Variants in MFNG observed in about 807,000 individuals in gnomAD.
MFNG encodes beta-1,3-N-acetylglucosaminyltransferase manic fringe.
Under a neutral mutation model 34.2 loss-of-function variants are expected in MFNG, and 24 were observed. The observed-to-expected ratio is 0.70, with a 90% CI of 0.51 to 0.99. The LOEUF (loss-of-function observed/expected upper bound fraction) is 0.99, where lower values mean the gene tolerates loss of function less well. MFNG is among the 50% of genes least tolerant of loss of function. The pLI is 0.00. For synonymous variants in MFNG, 158 were observed against 179.2 expected (o/e 0.88, Z 0.94); for missense variants, 383 against 424.0 (o/e 0.90, Z 0.85).
chr22:37,477,839 T>A (rs894705275), intron 4 of MFNG, among the ~76,000 whole-genome samples: 1 of 152,214 alleles, frequency 6.6e-6, no homozygotes, highest in Non-Finnish European at 1.5e-5. Context: ...CTTTCTTCTG[T>A]GTTCACGACC....
At chr22:37,472,991 T>C (rs922560742) in intron 6 of MFNG, among the ~76,000 whole-genome samples, 6 of 152,146 alleles carry the variant, frequency 3.9e-5, no homozygotes, top group Non-Finnish European at 7.4e-5. Context: ...ACTGTGGGCA[T>C]AGGGACCACC....
chr22:37,472,657 G>T, intron 6 of MFNG, 129 bp from the exon 7 acceptor site: 1 of 861,786 alleles, frequency 1.2e-6, no homozygotes, highest in Non-Finnish European at 1.8e-6. Flanking sequence ...GAAATTCCCC[G>T]CTGGTGGTGG....
intron 4 of MFNG, 105 bp from the exon 5 acceptor site, chr22:37,477,086 C>T: frequency 1.1e-6 from 1 of 922,178 alleles, no homozygotes; most frequent in Non-Finnish European, 1.7e-6. Context: ...CTCAAAAGCC[C>T]TTTATTTTGA....
In MFNG at chr22:37,485,147, A is replaced by G. The variant is rs551024098; in HGVS notation, c.255+776T>C. 7.9e-4 allele frequency among the ~76,000 whole-genome samples: 120 copies of G among 152,160 alleles called. No homozygotes were observed. The highest frequency in any genetic ancestry group is 2.7e-3 in the African/African-American group (112 of 41,496). ...CCATGTGACAGACATGCCTCTTGTC[A>G]CACACATCTAGCACACTCCAGCTCC... On this transcript the variant is annotated intron_variant, in intron 1 of 7. Transcript: ENST00000356998. This position sits in a 1 kb window ranked among gnomAD's most constrained non-coding sequence, Gnocchi z 5.3.
intron 7 of MFNG, among the ~76,000 whole-genome samples, chr22:37,470,395 A>G (rs1921754568): frequency 6.6e-6 from 1 of 152,200 alleles, no homozygotes; most frequent in Non-Finnish European, 1.5e-5. Flanking sequence ...GAGGCCAATC[A>G]TCTGATCACA....
At chr22:37,473,255 T>C (rs963954738) in intron 6 of MFNG, among the ~76,000 whole-genome samples, 2 of 151,996 alleles carry the variant, frequency 1.3e-5, no homozygotes, top group African/African-American at 2.4e-5. Context: ...CTGGCCAACA[T>C]GGTGAAACCC....
rs1477451775 is a variant in MFNG at position 37,486,002 on chromosome 22, G to A, written c.176C>T (p.Ala59Val). Reference protein sequence around the residue: ...PKLQLHDVFIAVKTTRAFHRL... With the variant: ...PKLQLHDVFIVVKTTRAFHRL... Reference sequence around the variant, plus strand: ...GTGGAAAGCCCGGGTCGTCTTCACTGCAATGAAGACATCGTGTAGCTGTAG... The same window carrying A: ...GTGGAAAGCCCGGGTCGTCTTCACTACAATGAAGACATCGTGTAGCTGTAG... Residue 59 changes from alanine (A) to valine (V), a missense_variant, in exon 1 of 8, where the codon GCA becomes GTA. By Grantham distance (64) the Ala-to-Val change is moderately conservative. Transcript: ENST00000356998. The A allele has an allele frequency of 6.2e-7, 1 of 1,614,004 alleles. No individual in the cohort carries two copies. Among genetic ancestry groups the A allele is most frequent in the Non-Finnish European group, 8.5e-7 (1 of 1,180,002 alleles).
chr22:37,486,160 C>T lies in MFNG; in HGVS notation c.18G>A (p.Pro6=), dbSNP rs760996647. ...TGAGGAGGGCTCCAGCCAGGCCCCG[C>T]GGGAGCCGGCACTGCATTGGTTGGC... The part of the protein sequence containing the change: MQCRL[P]RGLAGALLTL... The change falls in exon 1 of 8, where the codon CCG becomes CCA. Residue 6 remains proline (P), a synonymous_variant. Coordinates refer to ENST00000356998, the MANE Select transcript of MFNG (RefSeq NM_002405.4). The T allele has an allele frequency of 8.2e-6, 13 of 1,579,422 alleles. No individual in the cohort carries two copies. The highest frequency in any genetic ancestry group is 1.0e-5 in the Non-Finnish European group (12 of 1,159,176).
At chr22:37,476,757 G>A in intron 5 of MFNG, 139 bp downstream of exon 5, 1 of 728,470 alleles carries the variant, frequency 1.4e-6, no homozygotes, top group Non-Finnish European at 2.3e-6. Flanking sequence ...ACCACCAACT[G>A]CCGCTCTGTG....
Position 37,486,193 on chromosome 22 carries a change from C to T in MFNG, c.-16G>A. The stretch of plus-strand genomic sequence containing the variant: ...GGCACTGCATTGGTTGGCCCTGGGA[C>T]CCCAGACAGCTCAGCCCCCAAATCC... On this transcript the variant is annotated 5_prime_UTR_variant, in exon 1 of 8. Coordinates refer to ENST00000356998, the MANE Select transcript of MFNG (RefSeq NM_002405.4). 1 of 1,528,008 alleles carries T rather than the reference C, an allele frequency of 6.5e-7. No individual in the cohort carries two copies. 94.7% of individuals were successfully genotyped at this position (1,528,008 alleles called of 1,614,324 possible). A position where few individuals can be genotyped will look rare whatever the true frequency, so the allele number is the denominator to read the frequency against.
intron 1 of MFNG, chr22:37,481,053 C>A (rs937098444): frequency 1.9e-5 from 9 of 481,538 alleles, no homozygotes; most frequent in African/African-American, 1.2e-4. Context: ...CACACCTGGG[C>A]AGCATCTCAC....
In MFNG at chr22:37,480,085, C is replaced by G. The variant is rs1264835242; in HGVS notation, c.407+112G>C. 3.9e-6 allele frequency: 3 copies of G among 774,538 alleles called. No individual in the cohort carries two copies. The African/African-American group carries it at 5.2e-5, about 14-fold the overall frequency. 48.0% of individuals were successfully genotyped at this position (774,538 alleles called of 1,614,324 possible). A position where few individuals can be genotyped will look rare whatever the true frequency, so the allele number is the denominator to read the frequency against. ...GAACCCAGCTGGACTTCCCAGCCATCTGCCCACTGCCTGCTAGAGGAGTGG... is the reference window on the plus strand; with the variant it reads ...GAACCCAGCTGGACTTCCCAGCCATGTGCCCACTGCCTGCTAGAGGAGTGG... On this transcript the variant is annotated intron_variant, in intron 3 of 7. Coordinates refer to ENST00000356998, the MANE Select transcript of MFNG (RefSeq NM_002405.4).
chr22:37,476,610 C>T (rs1047636801), intron 5 of MFNG, among the ~76,000 whole-genome samples: 1 of 152,188 alleles, frequency 6.6e-6, no homozygotes, highest in Admixed American at 6.5e-5. Context: ...CCTTACTACA[C>T]CATTGGCCAC....
chr22:37,485,975 C>G lies in MFNG; in HGVS notation c.203G>C (p.Arg68Pro). Reference protein sequence around the residue: ...IAVKTTRAFHRLRLELLLDTW... With the variant: ...IAVKTTRAFHPLRLELLLDTW... ...GTCAAGCAGCAGCTCCAGGCGCAAG[C>G]GGTGGAAAGCCCGGGTCGTCTTCAC... Residue 68 changes from arginine to proline, a missense_variant, in exon 1 of 8, where the codon CGC becomes CCC. By Grantham distance (103) the Arg-to-Pro change is moderately radical. Transcript: ENST00000356998. The surrounding 1 kb of genome is among the most constrained non-coding windows in gnomAD (Gnocchi z 5.3). 6.2e-7 allele frequency: 1 copy of G among 1,613,932 alleles called. No homozygotes were observed. The highest frequency in any genetic ancestry group is 1.1e-5 in the South Asian group (1 of 91,084).
chr22:37,479,255 C>T, intron 4 of MFNG, 90 bp downstream of exon 4: 1 of 1,401,792 alleles, frequency 7.1e-7, no homozygotes, highest in Non-Finnish European at 9.3e-7. Context: ...CAGAACCCCT[C>T]TCACCTCTCT....
At chr22:37,478,617 G>A (rs942916366) in intron 4 of MFNG, among the ~76,000 whole-genome samples, 29 of 152,264 alleles carry the variant, frequency 1.9e-4, no homozygotes, top group African/African-American at 6.7e-4. Flanking sequence ...GGGGAAGGTG[G>A]GGAAGGGTTC....
rs774328330 is a variant in MFNG, at chr22:37,480,204, C to T, written c.400G>A (p.Gly134Arg). 6.2e-7 allele frequency: 1 copy of T among 1,607,474 alleles called. No individual in the cohort carries two copies. Among genetic ancestry groups the T allele is most frequent in the East Asian group, 2.2e-5 (1 of 44,586 alleles). The change falls in exon 3 of 8, where the codon GGG (glycine) becomes AGG (arginine). Residue 134 changes from glycine (G) to arginine (R), a missense_variant. Physicochemically the swap from Gly to Arg is moderately radical, Grantham distance 125 (BLOSUM62 -2). Transcript: ENST00000356998. ...AGACCCAGGAACACTCGCCTAAGCC[C>T]ACTGGCCAAGAAGGTGTCGAACTCA... ...AAEFDTFLAS[G>R]LRWFCHVDDD...
chr22:37,474,615 T>TA lies in MFNG; in HGVS notation c.709dup (p.Tyr237LeufsTer4). ...GCCGCCCAGCTTGCACTCAATGATA[T>TA]AGCCCATGGTGCAGTCATCAGGCAG... On this transcript the variant is annotated frameshift_variant, in exon 6 of 8. Transcript: ENST00000356998. LOFTEE classifies it high-confidence loss of function. The TA allele has an allele frequency of 6.2e-7, 1 of 1,613,918 alleles. No homozygotes were observed.
Position 37,479,310 on chromosome 22 carries a change from G to A in MFNG, c.561+35C>T, listed in dbSNP as rs555542661. The A allele has an allele frequency of 5.1e-4, 768 of 1,518,300 alleles. 7 individuals carry two copies. In the South Asian group the frequency reaches 5.9e-3, roughly 12 times the overall value. 94.1% of individuals were successfully genotyped at this position (1,518,300 alleles called of 1,614,324 possible). On this transcript the variant is annotated intron_variant, in intron 4 of 7. Transcript: ENST00000356998. ...GACCGGCCCGGCCCTTGGGATCAGCGGGCCAAGGGGCAAAGGAGGAGGAGA... is the reference window on the plus strand; with the variant it reads ...GACCGGCCCGGCCCTTGGGATCAGCAGGCCAAGGGGCAAAGGAGGAGGAGA...
Sources: gnomAD v4.1 joint callset for allele counts (sites outside exome capture counted in the v4.1 genomes callset) on GRCh38, gnomAD v4.1.1 for gene constraint, Gnocchi (gnomAD v3.1) non-coding constraint, MANE v1.5 for transcripts, NCBI Gene and HGNC (gene_info 2026-07-23, HGNC 2026-07-21) for gene names.